Variants in COL4A3 observed in about 807,000 individuals in gnomAD.
COL4A3 encodes collagen type IV alpha 3 chain, also known as collagen alpha-3(IV) chain.
A neutral mutation model predicts 217.4 loss-of-function variants in COL4A3; 135 were observed. That is an observed-to-expected ratio of 0.62 (90% CI 0.54 to 0.72). The LOEUF (loss-of-function observed/expected upper bound fraction) is 0.72, where lower values mean the gene tolerates loss of function less well. Ranked by LOEUF, COL4A3 falls within the 30% of genes least tolerant of loss-of-function variation. The pLI, the probability that COL4A3 is intolerant of heterozygous loss-of-function variation, is 0.00. For missense variants in COL4A3, 1,868 were observed against 2,119.9 expected, an observed-to-expected ratio of 0.88 and a Z score of 2.33; for synonymous variants, 690 against 736.3, an observed-to-expected ratio of 0.94 and a Z score of 1.02.
chr2:227,289,306 T>C, intron 35 of COL4A3, 58 bp downstream of exon 35: 2 of 1,409,096 alleles, frequency 1.4e-6, no homozygotes, highest in Non-Finnish European at 2.0e-6. Flanking sequence ...ACATCTAAAG[T>C]AATAAAAGTT....
At chr2:227,197,957 G>T (rs1195552754) in intron 1 of COL4A3, among the ~76,000 whole-genome samples, 3 of 152,222 alleles carry the variant, frequency 2.0e-5, no homozygotes, top group Middle Eastern at 6.3e-3. Flanking sequence ...GAACTCTGGG[G>T]TGACCCCTCC....
chr2:227,273,659 C>T (rs147573006), intron 26 of COL4A3, among the ~76,000 whole-genome samples: 357 of 152,304 alleles, frequency 2.3e-3, no homozygotes, highest in African/African-American at 8.1e-3. Flanking sequence ...ACAATCCTTG[C>T]TTCAGCCTCC....
chr2:227,223,778 T>A (rs1293560590), intron 1 of COL4A3, among the ~76,000 whole-genome samples: 1 of 152,138 alleles, frequency 6.6e-6, no homozygotes, highest in Non-Finnish European at 1.5e-5. Flanking sequence ...TGGTATCAGA[T>A]TTTCTCCTTA....
intron 37 of COL4A3, among the ~76,000 whole-genome samples, chr2:227,291,955 A>G (rs1359398705): frequency 2.0e-5 from 3 of 152,264 alleles, no homozygotes; most frequent in Non-Finnish European, 2.9e-5. Context: ...AGAAGTTCCT[A>G]TAAGCAGAAG....
At chr2:227,276,853 A>T (rs890220375) in intron 27 of COL4A3, among the ~76,000 whole-genome samples, 2 of 152,262 alleles carry the variant, frequency 1.3e-5, no homozygotes, top group African/African-American at 2.4e-5. Flanking sequence ...GTCTTTGCCA[A>T]CGTGATCTAA....
intron 1 of COL4A3, among the ~76,000 whole-genome samples, chr2:227,236,975 G>A (rs892954887): frequency 6.6e-6 from 1 of 152,134 alleles, no homozygotes; most frequent in Non-Finnish European, 1.5e-5. Flanking sequence ...CACATTTTAA[G>A]TCTATTATTT....
At chr2:227,204,213 C>G (rs970266654) in intron 1 of COL4A3, among the ~76,000 whole-genome samples, 19 of 152,120 alleles carry the variant, frequency 1.2e-4, no homozygotes, top group Admixed American at 6.6e-5. Flanking sequence ...CCTCAATTTT[C>G]TCATTTGTAA....
chr2:227,220,219 G>A (rs373969901), intron 1 of COL4A3, among the ~76,000 whole-genome samples: 2 of 89,258 alleles, frequency 2.2e-5, no homozygotes, highest in Non-Finnish European at 4.2e-5. Flanking sequence ...GAGTCTCACT[G>A]TCACCCAGGC....
chr2:227,240,940 C>T (rs10166034), intron 3 of COL4A3, among the ~76,000 whole-genome samples: 115,539 of 152,110 alleles, frequency 0.76, 45,100 homozygotes, highest in East Asian at 0.91. Context: ...TGACCTGAAC[C>T]CCTCTGCTTA....
intron 1 of COL4A3, among the ~76,000 whole-genome samples, chr2:227,196,242 A>C (rs188738620): frequency 1.5e-3 from 235 of 152,088 alleles, no homozygotes; most frequent in Non-Finnish European, 2.8e-3. Context: ...CCACTCACTC[A>C]CTGACTCACC....
chr2:227,234,214 G>A (rs796517168), intron 1 of COL4A3, among the ~76,000 whole-genome samples: 8 of 152,266 alleles, frequency 5.3e-5, no homozygotes, highest in African/African-American at 1.9e-4. Context: ...CAGACAGAGA[G>A]ATGGAGTAGG....
intron 18 of COL4A3, 69 bp from the exon 19 acceptor site, chr2:227,259,724 G>C: frequency 8.8e-7 from 1 of 1,133,280 alleles, no homozygotes; most frequent in Non-Finnish European, 1.3e-6. Context: ...AGAAACTGAA[G>C]TAATGATGTT....
At chr2:227,267,423 G>A (rs1166419565) in intron 23 of COL4A3, among the ~76,000 whole-genome samples, 2 of 152,118 alleles carry the variant, frequency 1.3e-5, no homozygotes, top group African/African-American at 2.4e-5. Flanking sequence ...AAAGAAATAT[G>A]CTCTCTCCCT....
At chr2:227,174,388 A>G (rs994659642) in intron 1 of COL4A3, among the ~76,000 whole-genome samples, 1 of 152,208 alleles carries the variant, frequency 6.6e-6, no homozygotes, top group Non-Finnish European at 1.5e-5. Flanking sequence ...TAAATTCCAA[A>G]AAGGTCTCTC....
intron 1 of COL4A3, among the ~76,000 whole-genome samples, chr2:227,189,131 C>T (rs2066138572): frequency 6.6e-6 from 1 of 151,930 alleles, no homozygotes; most frequent in African/African-American, 2.4e-5. Flanking sequence ...GGAGAGAGGC[C>T]AGGGGAGGAA....
At chr2:227,168,763 G>C (rs998206223) in intron 1 of COL4A3, among the ~76,000 whole-genome samples, 1 of 151,840 alleles carries the variant, frequency 6.6e-6, no homozygotes, top group Non-Finnish European at 1.5e-5. Context: ...TTTACAGTTA[G>C]ATCTCTTAAT....
chr2:227,283,307 A>T (rs2072100123), intron 32 of COL4A3, among the ~76,000 whole-genome samples: 1 of 152,214 alleles, frequency 6.6e-6, no homozygotes, highest in South Asian at 2.1e-4. Context: ...TTATCCTTTC[A>T]TTCATGTTAT....
intron 38 of COL4A3, chr2:227,293,692 G>T: frequency 2.1e-6 from 1 of 480,554 alleles, no homozygotes; most frequent in Non-Finnish European, 4.3e-6. Flanking sequence ...TTAGCCAAAA[G>T]GCTGAGAAGT....
chr2:227,178,598 T>C (rs1374880765), intron 1 of COL4A3, among the ~76,000 whole-genome samples: 1 of 152,176 alleles, frequency 6.6e-6, no homozygotes, highest in African/African-American at 2.4e-5. Context: ...AGTGGTATCA[T>C]ATTGGCTCAC....
Sources: gnomAD v4.1 joint callset for allele counts (sites outside exome capture counted in the v4.1 genomes callset) on GRCh38, gnomAD v4.1.1 for gene constraint, MANE v1.5 for transcripts, NCBI Gene and HGNC (gene_info 2026-07-23, HGNC 2026-07-21) for gene names.